The following EYS variants were observed in gnomAD, a reference collection of about 807,000 sequenced individuals.
EYS encodes the protein EGF-like photoreceptor maintenance factor, also known as protein eyes shut homolog.
A neutral mutation model predicts 282.1 loss-of-function variants in EYS; 250 were observed. The ratio of observed to expected loss-of-function variants is 0.89; its 90% CI spans 0.80 to 0.98. The LOEUF (loss-of-function observed/expected upper bound fraction) is 0.98, where lower values mean the gene tolerates loss of function less well. Among genes scored for constraint, EYS ranks in the 50% least tolerant of loss-of-function variants. The pLI is 0.00. For synonymous variants in EYS, 1,355 were observed against 1,282.9 expected (o/e 1.06, Z -1.20); for missense variants, 4,016 against 3,709.0 (o/e 1.08, Z -2.15).
Position 64,593,232 on chromosome 6 carries a change from A to T in EYS, c.3762T>A (p.Asp1254Glu). 2 of 1,550,732 alleles carry T rather than the reference A, an allele frequency of 1.3e-6. No homozygotes were observed. Among genetic ancestry groups the T allele is most frequent in the Non-Finnish European group, 1.7e-6 (2 of 1,146,456 alleles). The change falls in exon 25 of 43, where the codon GAT (aspartate) becomes GAA (glutamate). Residue 1254 changes from aspartate (D) to glutamate (E), a missense_variant. Asp to Glu is a conservative substitution (Grantham distance 45, BLOSUM62 2). Coordinates refer to ENST00000503581, the MANE Select transcript of EYS (RefSeq NM_001142800.2). ...TTGTATATGTCTGTGTGGAAATGGG[A>T]TCTGTTCTTTGAAAGATGGGAGTTA... ...TCLTPIFQRTDPISTQTYTIP... is the reference protein window; with the variant it reads ...TCLTPIFQRTEPISTQTYTIP...
chr6:64,361,509 A>T (rs898217368), intron 29 of EYS, among the ~76,000 whole-genome samples: 55 of 151,908 alleles, frequency 3.6e-4, no homozygotes, highest in African/African-American at 1.3e-3. Context: ...TAGTATTAAC[A>T]TTTTTTAGTC....
chr6:65,194,625 T>C (rs548731518), intron 12 of EYS, among the ~76,000 whole-genome samples: 1 of 152,066 alleles, frequency 6.6e-6, no homozygotes, highest in African/African-American at 2.4e-5. Flanking sequence ...AACAAGTTTC[T>C]CACTTTGTGT....
chr6:65,071,665 G>A (rs376447217), intron 12 of EYS, among the ~76,000 whole-genome samples: 11 of 151,844 alleles, frequency 7.2e-5, no homozygotes, highest in African/African-American at 2.7e-4. Flanking sequence ...TGACAACCAA[G>A]GGAAATAATA....
chr6:65,102,933 T>G (rs556488493), intron 12 of EYS, among the ~76,000 whole-genome samples: 1 of 151,566 alleles, frequency 6.6e-6, no homozygotes, highest in Admixed American at 6.6e-5. Flanking sequence ...AGATGTGACA[T>G]GACATGACTG....
chr6:65,397,124 G>A (rs1766306931), intron 7 of EYS, among the ~76,000 whole-genome samples: 2 of 151,202 alleles, frequency 1.3e-5, no homozygotes, highest in African/African-American at 4.9e-5. Context: ...TTCCTATCTG[G>A]GTTCAATGTG....
intron 10 of EYS, among the ~76,000 whole-genome samples, chr6:65,342,261 T>C (rs1198333155): frequency 1.3e-5 from 2 of 151,098 alleles, no homozygotes; most frequent in Non-Finnish European, 3.0e-5. Flanking sequence ...AAGAGAAATA[T>C]TCTATAATTA....
At chr6:64,702,363 C>T (rs1770822281) in intron 22 of EYS, among the ~76,000 whole-genome samples, 1 of 151,886 alleles carries the variant, frequency 6.6e-6, no homozygotes, top group African/African-American at 2.4e-5. Flanking sequence ...AGGACCAAGA[C>T]AAAGAAGACA....
intron 13 of EYS, among the ~76,000 whole-genome samples, chr6:65,034,344 G>A (rs533282356): frequency 3.9e-5 from 6 of 152,164 alleles, no homozygotes; most frequent in Non-Finnish European, 8.8e-5. Flanking sequence ...GATGTGAGAA[G>A]TACATGAGAT....
chr6:65,435,709 G>A (rs1768052373), intron 5 of EYS, among the ~76,000 whole-genome samples: 1 of 151,970 alleles, frequency 6.6e-6, no homozygotes, highest in Non-Finnish European at 1.5e-5. Flanking sequence ...AAATTCATTT[G>A]GTGAAGTCCC....
At chr6:65,633,682 G>A (rs932212749) in intron 2 of EYS, among the ~76,000 whole-genome samples, 15 of 152,142 alleles carry the variant, frequency 9.9e-5, no homozygotes, top group African/African-American at 3.6e-4. Flanking sequence ...CTATAATTAT[G>A]AAATACCTAC....
chr6:65,696,633 A>G (rs554022585), intron 1 of EYS, among the ~76,000 whole-genome samples: 1 of 152,116 alleles, frequency 6.6e-6, no homozygotes, highest in African/African-American at 2.4e-5. Context: ...TCTCAATTAT[A>G]TAACAATACA....
chr6:65,344,959 A>C (rs1041637766), intron 9 of EYS, among the ~76,000 whole-genome samples: 1 of 151,712 alleles, frequency 6.6e-6, no homozygotes, highest in Non-Finnish European at 1.5e-5. Flanking sequence ...TTAGCAAAAT[A>C]TCTCTGGCTT....
intron 15 of EYS, among the ~76,000 whole-genome samples, chr6:64,931,244 T>A (rs1205646088): frequency 6.6e-6 from 1 of 152,184 alleles, no homozygotes; most frequent in Non-Finnish European, 1.5e-5. Flanking sequence ...TAATTTGATC[T>A]ATTAAAATAT....
intron 1 of EYS, among the ~76,000 whole-genome samples, chr6:65,661,146 T>C (rs2149825652): frequency 6.6e-6 from 1 of 152,030 alleles, no homozygotes; most frequent in South Asian, 2.1e-4. Context: ...TGGTCTTCCT[T>C]ACCAAAGGAA....
At chr6:65,080,105 T>C (rs1030809147) in intron 12 of EYS, among the ~76,000 whole-genome samples, 1 of 152,030 alleles carries the variant, frequency 6.6e-6, no homozygotes, top group African/African-American at 2.4e-5. Context: ...TAAACTCTGT[T>C]CCCAATGACC....
At chr6:64,593,448 A>G (rs1766474588) in intron 24 of EYS, 139 bp from the exon 25 acceptor site, 2 of 602,128 alleles carry the variant, frequency 3.3e-6, no homozygotes, top group Admixed American at 4.0e-5. Context: ...CTTGAAAATT[A>G]AATCTCCATA....
chr6:65,177,906 T>C (rs571805032), intron 12 of EYS, among the ~76,000 whole-genome samples: 1 of 151,958 alleles, frequency 6.6e-6, no homozygotes, highest in Non-Finnish European at 1.5e-5. Context: ...CAATGCATCA[T>C]GTATGAGAAT....
chr6:63,997,676 G>A (rs917813057), intron 34 of EYS, among the ~76,000 whole-genome samples: 7 of 152,008 alleles, frequency 4.6e-5, no homozygotes, highest in Admixed American at 6.6e-5. Flanking sequence ...ATTTCATTTC[G>A]TCAGCCTAAA....
At chr6:64,196,445 G>GT (rs1281499688) in intron 31 of EYS, among the ~76,000 whole-genome samples, 1 of 152,044 alleles carries the variant, frequency 6.6e-6, no homozygotes, top group Non-Finnish European at 1.5e-5. Flanking sequence ...ACATGCACAC[G>GT]TATGTTTATT....
Sources: allele counts gnomAD v4.1 joint callset (sites outside exome capture counted in the v4.1 genomes callset), GRCh38; gene constraint gnomAD v4.1.1; transcripts MANE v1.5; gene names NCBI Gene and HGNC (gene_info 2026-07-23, HGNC 2026-07-21).